Variants in CDC27 observed in about 807,000 individuals in gnomAD.
The protein encoded by CDC27 is cell division cycle protein 27 homolog.
CDC27 carries 27 observed loss-of-function variants against 109.7 expected under a neutral mutation model. The ratio of observed to expected loss-of-function variants is 0.25; its 90% CI spans 0.18 to 0.34. The LOEUF (loss-of-function observed/expected upper bound fraction) is 0.34, where lower values mean the gene tolerates loss of function less well. Ranked by LOEUF, CDC27 falls within the 10% of genes least tolerant of loss-of-function variation. The pLI is 1.00. For synonymous variants in CDC27, 266 were observed against 333.9 expected (o/e 0.80, Z 2.22); for missense variants, 579 against 960.2 (o/e 0.60, Z 5.25).
chr17:47,172,160 A>G, intron 2 of CDC27, 96 bp from the exon 3 acceptor site: 1 of 726,634 alleles, frequency 1.4e-6, no homozygotes, highest in Non-Finnish European at 2.0e-6. Context: ...AAAAAAAATT[A>G]GGCTTGCTAT....
Position 47,138,839 on chromosome 17 carries a change from C to G in CDC27, c.1604G>C (p.Gly535Ala), listed in dbSNP as rs2062704301. Residue 535 changes from glycine (G) to alanine (A), a missense_variant, in exon 13 of 19, where the codon GGC becomes GCC. Coordinates refer to ENST00000066544, the MANE Select transcript of CDC27 (RefSeq NM_001256.6). ...AAGTGTTGTAGAGTAGATCTCCATG[C>G]CTTCAACTCTATAATTCTCAATCCT... ...VRRIENYRVE[G>A]MEIYSTTLWH... 1 of 1,602,310 alleles carries G rather than the reference C, an allele frequency of 6.2e-7. No homozygotes were observed. Among genetic ancestry groups the G allele is most frequent in the Non-Finnish European group, 8.5e-7 (1 of 1,171,414 alleles).
intron 9 of CDC27, among the ~76,000 whole-genome samples, chr17:47,151,494 G>C (rs911239937): frequency 1.3e-5 from 2 of 152,152 alleles, no homozygotes; most frequent in African/African-American, 2.4e-5. Context: ...GCATAATGTG[G>C]GGAAGGGGAG....
At chr17:47,189,065 A>C (rs1647232998) in intron 1 of CDC27, 81 bp downstream of exon 1, 1 of 1,539,306 alleles carries the variant, frequency 6.5e-7, no homozygotes, top group African/African-American at 1.4e-5. Flanking sequence ...CCTAGGCCGC[A>C]CCAGGCCGCG....
chr17:47,145,959 T>A (rs558627086), intron 9 of CDC27, among the ~76,000 whole-genome samples: 4 of 151,786 alleles, frequency 2.6e-5, no homozygotes, highest in African/African-American at 7.2e-5. Flanking sequence ...AACACCAGCC[T>A]GAGCTCCTCT....
At chr17:47,121,472 C>T (rs888694429) in intron 18 of CDC27, among the ~76,000 whole-genome samples, 1 of 152,190 alleles carries the variant, frequency 6.6e-6, no homozygotes, top group Non-Finnish European at 1.5e-5. Flanking sequence ...CTATCTTGCT[C>T]TGTCACCTAG....
chr17:47,149,527 A>AAG (rs1555790251), intron 9 of CDC27, among the ~76,000 whole-genome samples: 1 of 151,884 alleles, frequency 6.6e-6, no homozygotes, highest in Admixed American at 6.6e-5. Flanking sequence ...AAAAAAAAAA[A>AAG]AAAGAAATGT....
chr17:47,124,476 G>A (rs1439684457), intron 16 of CDC27, among the ~76,000 whole-genome samples: 3 of 152,014 alleles, frequency 2.0e-5, no homozygotes, highest in Admixed American at 6.6e-5. Flanking sequence ...TAGAGACGGG[G>A]TTTCACCATG....
intron 8 of CDC27, 63 bp downstream of exon 8, chr17:47,154,609 A>T: frequency 1.2e-6 from 1 of 858,530 alleles, no homozygotes; most frequent in Non-Finnish European, 1.9e-6. Flanking sequence ...GATTACCTTT[A>T]AAAGATTGAA....
intron 8 of CDC27, among the ~76,000 whole-genome samples, chr17:47,153,898 C>T (rs2063220678): frequency 6.6e-6 from 1 of 151,978 alleles, no homozygotes; most frequent in African/African-American, 2.4e-5. Flanking sequence ...TCCCTGGCAA[C>T]ACAGTGAGAT....
At position 47,122,632 on chromosome 17, in the gene CDC27, T is replaced by C. The variant is rs1482509832; in HGVS notation, c.2236-32A>G. The C allele has an allele frequency of 4.0e-6, 6 of 1,516,048 alleles. No homozygotes were observed. In the South Asian group the frequency reaches 4.0e-5, roughly 10 times the overall value. 93.9% of individuals were successfully genotyped at this position (1,516,048 alleles called of 1,614,324 possible). A position where few individuals can be genotyped will look rare whatever the true frequency, so the allele number is the denominator to read the frequency against. ...ATAAACAGCAGCACTACATTTTTCA[T>C]TAAGTTGTGAGCTTCAACTATAAAA... On this transcript the variant is annotated intron_variant, in intron 17 of 18. Transcript: ENST00000066544.
chr17:47,160,525 C>T (rs949833695), intron 4 of CDC27, among the ~76,000 whole-genome samples: 8 of 152,082 alleles, frequency 5.3e-5, no homozygotes, highest in African/African-American at 9.7e-5. Context: ...AGCACCTGGT[C>T]GCCTCCTCCT....
At chr17:47,126,428 T>A (rs978318171) in intron 16 of CDC27, among the ~76,000 whole-genome samples, 1 of 152,182 alleles carries the variant, frequency 6.6e-6, no homozygotes, top group African/African-American at 2.4e-5. Context: ...GGCTGCCTGA[T>A]ATAATAATGA....
At chr17:47,188,430 T>C (rs1478534077) in intron 1 of CDC27, among the ~76,000 whole-genome samples, 1 of 152,168 alleles carries the variant, frequency 6.6e-6, no homozygotes, top group Non-Finnish European at 1.5e-5. Flanking sequence ...GAAACACCAT[T>C]ATTTGTGTTT....
chr17:47,145,711 G>C (rs1447532940), intron 9 of CDC27, among the ~76,000 whole-genome samples: 1 of 152,020 alleles, frequency 6.6e-6, no homozygotes, highest in Non-Finnish European at 1.5e-5. Context: ...GATCATCCTG[G>C]CCAACATGGT....
intron 2 of CDC27, chr17:47,181,253 TCAAAAAAAAAAA>T (rs1466742853): frequency 4.5e-5 from 1 of 22,378 alleles, no homozygotes; most frequent in African/African-American, 3.5e-4. Flanking sequence ...AGACCCTGTT[TCAAAAAAAAAAA>T]AAAAAAAAAA....
At chr17:47,133,106 C>T (rs1343207773) in intron 14 of CDC27, among the ~76,000 whole-genome samples, 1 of 98,010 alleles carries the variant, frequency 1.0e-5, no homozygotes, top group East Asian at 3.1e-4. Flanking sequence ...CACAAATATA[C>T]ATATATATAT....
At chr17:47,133,133 ATAT>A (rs1568375218) in intron 14 of CDC27, among the ~76,000 whole-genome samples, 17 of 111,956 alleles carry the variant, frequency 1.5e-4, no homozygotes, top group East Asian at 2.8e-4. Context: ...ATATATATAT[ATAT>A]AATATATATG....
intron 1 of CDC27, among the ~76,000 whole-genome samples, chr17:47,185,550 AATTTTTT>A (rs898431046): frequency 3.3e-5 from 5 of 151,950 alleles, no homozygotes; most frequent in Non-Finnish European, 1.5e-5. Context: ...GTTTTTGTTA[AATTTTTT>A]ATACATTTTG....
At chr17:47,133,106 CATATAT>C (rs55717332) in intron 14 of CDC27, among the ~76,000 whole-genome samples, 34,928 of 97,530 alleles carry the variant, frequency 0.36, 6,545 homozygotes, top group Admixed American at 0.42. Context: ...CACAAATATA[CATATAT>C]ATATATATAT....
Sources: allele counts gnomAD v4.1 joint callset (sites outside exome capture counted in the v4.1 genomes callset), GRCh38; gene constraint gnomAD v4.1.1; transcripts MANE v1.5; gene names NCBI Gene and HGNC (gene_info 2026-07-23, HGNC 2026-07-21).